GPHN: variants seen among roughly 807,000 people sequenced by gnomAD.
GPHN encodes the protein gephyrin.
In GPHN, 17 loss-of-function variants were observed where a neutral mutation model predicts 95.5. The ratio of observed to expected loss-of-function variants is 0.18; its 90% CI spans 0.12 to 0.27. The LOEUF (loss-of-function observed/expected upper bound fraction) is 0.27. GPHN is among the 10% of genes least tolerant of loss of function. The pLI, the probability that GPHN is intolerant of heterozygous loss-of-function variation, is 1.00. For missense variants in GPHN, 660 were observed against 978.1 expected, an observed-to-expected ratio of 0.67 and a Z score of 4.34; for synonymous variants, 320 against 322.5, an observed-to-expected ratio of 0.99 and a Z score of 0.08.
chr14:67,341,826 TTTG>T, the GPHN span, among the ~76,000 whole-genome samples: 2 of 152,304 alleles, frequency 1.3e-5, no homozygotes, highest in South Asian at 4.1e-4. Flanking sequence ...GACTTTTCAT[TTTG>T]TTCTGTACTA....
chr14:67,411,987 G>A, the GPHN span: 8 of 1,527,956 alleles, frequency 5.2e-6, no homozygotes, highest in Non-Finnish European at 7.0e-6. Context: ...GCCCCACCCG[G>A]GCAATGTCCC....
At chr14:66,766,946 A>C (rs1393128104) in intron 2 of GPHN, among the ~76,000 whole-genome samples, 2 of 152,028 alleles carry the variant, frequency 1.3e-5, no homozygotes, top group East Asian at 3.9e-4. Context: ...ATTTTTAAAA[A>C]AACTTAGCGT....
chr14:66,788,559 A>G (rs1278247056), intron 3 of GPHN, among the ~76,000 whole-genome samples: 1 of 152,240 alleles, frequency 6.6e-6, no homozygotes, highest in Admixed American at 6.5e-5. Context: ...TTCACATTTG[A>G]CATTGCATCC....
At chr14:67,123,536 TG>T (rs755929402) in intron 17 of GPHN, among the ~76,000 whole-genome samples, 1 of 152,010 alleles carries the variant, frequency 6.6e-6, no homozygotes, top group Admixed American at 6.6e-5. Flanking sequence ...ATTGCCTAGG[TG>T]TGGTGGTACA....
chr14:67,317,266 A>T, the GPHN span: 1 of 662,826 alleles, frequency 1.5e-6, no homozygotes, highest in South Asian at 2.2e-5. Flanking sequence ...AGTTCAAGAC[A>T]AGCGTGGCCA....
the GPHN span, chr14:67,559,516 G>A: frequency 2.2e-4 from 173 of 794,014 alleles, no homozygotes; most frequent in Admixed American, 7.8e-4. Context: ...TCAGTGGCAC[G>A]CACACTTGGC....
the GPHN span, among the ~76,000 whole-genome samples, chr14:67,594,160 CAG>C: frequency 6.6e-6 from 1 of 152,196 alleles, no homozygotes; most frequent in African/African-American, 2.4e-5. Flanking sequence ...ACAGCAATCT[CAG>C]AAATTTTTCT....
chr14:67,267,607 G>A, the GPHN span, among the ~76,000 whole-genome samples: 503 of 152,238 alleles, frequency 3.3e-3, 5 homozygotes, highest in African/African-American at 0.01. Context: ...GTTTATTGAG[G>A]TATAATTTAT....
chr14:67,071,051 C>T (rs2153657132), intron 11 of GPHN, among the ~76,000 whole-genome samples: 1 of 152,184 alleles, frequency 6.6e-6, no homozygotes, highest in East Asian at 1.9e-4. Context: ...TAAACTAGTT[C>T]AACCATTGTG....
At chr14:66,833,062 TACC>T (rs2061640559) in intron 4 of GPHN, among the ~76,000 whole-genome samples, 1 of 152,100 alleles carries the variant, frequency 6.6e-6, no homozygotes, top group South Asian at 2.1e-4. Flanking sequence ...GCTAGAGAGG[TACC>T]AAATACAGAA....
intron 8 of GPHN, among the ~76,000 whole-genome samples, chr14:66,963,919 C>T (rs980181346): frequency 2.0e-5 from 3 of 152,072 alleles, no homozygotes; most frequent in Non-Finnish European, 2.9e-5. Context: ...CAAAGTCTGG[C>T]TGTTTCTTCT....
At chr14:66,866,084 TC>T (rs1479098358) in intron 4 of GPHN, among the ~76,000 whole-genome samples, 1 of 152,138 alleles carries the variant, frequency 6.6e-6, no homozygotes, top group Non-Finnish European at 1.5e-5. Flanking sequence ...TCTACCCCAC[TC>T]CCACCAGCTG....
chr14:67,519,521 G>T, the GPHN span, among the ~76,000 whole-genome samples: 1 of 152,158 alleles, frequency 6.6e-6, no homozygotes, highest in Admixed American at 6.5e-5. Flanking sequence ...GGACAGGGAA[G>T]GGTCCATCCG....
the GPHN span, among the ~76,000 whole-genome samples, chr14:67,638,136 T>C: frequency 1.3e-5 from 2 of 152,142 alleles, no homozygotes; most frequent in Admixed American, 1.3e-4. Context: ...AAACAAGAAA[T>C]AAACTTGTTT....
At chr14:66,804,935 C>T (rs1487123792) in intron 3 of GPHN, among the ~76,000 whole-genome samples, 1 of 152,156 alleles carries the variant, frequency 6.6e-6, no homozygotes, top group Admixed American at 6.5e-5. Flanking sequence ...CTGTTTAAAT[C>T]TCTTTGATTC....
chr14:66,830,131 A>G (rs2061531419), intron 4 of GPHN, among the ~76,000 whole-genome samples: 1 of 152,142 alleles, frequency 6.6e-6, no homozygotes, highest in South Asian at 2.1e-4. Flanking sequence ...TTATCATCTG[A>G]TGCTTTGCAA....
At chr14:67,241,942 A>G in the GPHN span, 3 of 152,164 alleles carry the variant, frequency 2.0e-5, no homozygotes, top group Admixed American at 6.5e-5. Flanking sequence ...TTTCCTTTAG[A>G]AGTCAGAATG....
chr14:67,319,949 C>A, the GPHN span, among the ~76,000 whole-genome samples: 1 of 152,146 alleles, frequency 6.6e-6, no homozygotes, highest in Non-Finnish European at 1.5e-5. Flanking sequence ...CATCCTTATT[C>A]AAAGTATTGA....
At chr14:66,603,344 C>T (rs2062352455) in intron 1 of GPHN, among the ~76,000 whole-genome samples, 1 of 151,850 alleles carries the variant, frequency 6.6e-6, no homozygotes, top group Non-Finnish European at 1.5e-5. Context: ...TATGCACACA[C>T]ATCTATACTA....
Sources: gnomAD v4.1 joint callset for allele counts (sites outside exome capture counted in the v4.1 genomes callset) on GRCh38, gnomAD v4.1.1 for gene constraint, MANE v1.5 for transcripts, NCBI Gene and HGNC (gene_info 2026-07-23, HGNC 2026-07-21) for gene names.